Variants in GRID1 observed in about 807,000 individuals in gnomAD.
GRID1 encodes glutamate ionotropic receptor delta type subunit 1.
In GRID1, 28 loss-of-function variants were observed where a neutral mutation model predicts 98.0. The observed-to-expected ratio is 0.29, with a 90% CI of 0.21 to 0.39. GRID1 has a LOEUF of 0.39. Among genes scored for constraint, GRID1 ranks in the 10% least tolerant of loss-of-function variants. The pLI is 1.00. For synonymous variants in GRID1, 553 were observed against 538.5 expected, an observed-to-expected ratio of 1.03 and a Z score of -0.37; for missense variants, 1,111 against 1,340.5, an observed-to-expected ratio of 0.83 and a Z score of 2.67.
Position 85,599,802 on chromosome 10 carries a change from A to AAAAAAATATAT in GRID1, c.*2470_*2471insATATATTTTTT. On this transcript the variant is annotated 3_prime_UTR_variant, in exon 16 of 16. Coordinates refer to ENST00000327946, the MANE Select transcript of GRID1 (RefSeq NM_017551.3). Reference sequence around the variant, plus strand: ...GTAGAAAATTCTAAAAAAAAAAAAAAATATATATATATATATATAAACATG... The same window carrying AAAAAAATATAT: ...GTAGAAAATTCTAAAAAAAAAAAAAAAAAAAATATATATATATATATATATATATAAACATG... 1 of 64,984 alleles carries AAAAAAATATAT rather than the reference A, an allele frequency of 1.5e-5. No homozygotes were observed. Among genetic ancestry groups the AAAAAAATATAT allele is most frequent in the Non-Finnish European group, 2.6e-5 (1 of 38,788 alleles). The allele number at this position is 64,984 out of a possible 1,614,324, so 4.0% of individuals were successfully genotyped here. A position where few individuals can be genotyped will look rare whatever the true frequency, so the allele number is the denominator to read the frequency against.
At chr10:86,315,956 A>G (rs1414488119) in intron 2 of GRID1, among the ~76,000 whole-genome samples, 1 of 151,818 alleles carries the variant, frequency 6.6e-6, no homozygotes, top group Non-Finnish European at 1.5e-5. Flanking sequence ...CCATTTTTCT[A>G]ACTCCTATCT....
intron 5 of GRID1, among the ~76,000 whole-genome samples, chr10:85,881,276 T>C (rs1421124868): frequency 1.3e-5 from 2 of 152,152 alleles, no homozygotes; most frequent in Admixed American, 1.3e-4. Flanking sequence ...AAAACTACTT[T>C]AAAGTTCATA....
At chr10:86,078,961 G>C (rs1843925923) in intron 4 of GRID1, among the ~76,000 whole-genome samples, 5 of 151,804 alleles carry the variant, frequency 3.3e-5, no homozygotes, top group Non-Finnish European at 7.4e-5. Flanking sequence ...CCACCCTTAA[G>C]GGGGCTCAAC....
At chr10:85,946,696 A>G (rs1047578457) in intron 4 of GRID1, among the ~76,000 whole-genome samples, 1 of 152,174 alleles carries the variant, frequency 6.6e-6, no homozygotes, top group African/African-American at 2.4e-5. Flanking sequence ...AAGAATCCCC[A>G]GGTCAGTCTT....
At chr10:85,883,312 C>G (rs1231197886) in intron 5 of GRID1, among the ~76,000 whole-genome samples, 1 of 152,128 alleles carries the variant, frequency 6.6e-6, no homozygotes, top group Admixed American at 6.6e-5. Context: ...ATTCCTTGCT[C>G]ATATTTTCCA....
At chr10:85,645,387 A>G (rs1323802159) in intron 13 of GRID1, among the ~76,000 whole-genome samples, 1 of 152,208 alleles carries the variant, frequency 6.6e-6, no homozygotes, top group Non-Finnish European at 1.5e-5. Context: ...GGGGTGAAAG[A>G]AGATCCTGCA....
chr10:85,884,894 A>G (rs1213136728), intron 5 of GRID1, among the ~76,000 whole-genome samples: 1 of 152,202 alleles, frequency 6.6e-6, no homozygotes, highest in East Asian at 1.9e-4. Context: ...TGTAACAACA[A>G]AAACAAGTAG....
chr10:85,772,088 C>A (rs1402286157), intron 8 of GRID1, among the ~76,000 whole-genome samples: 1 of 152,138 alleles, frequency 6.6e-6, no homozygotes, highest in African/African-American at 2.4e-5. Flanking sequence ...CTCTCCTCAG[C>A]AAATGTAAAA....
intron 8 of GRID1, among the ~76,000 whole-genome samples, chr10:85,737,831 C>T (rs183343271): frequency 2.7e-4 from 41 of 150,758 alleles, no homozygotes; most frequent in African/African-American, 9.7e-4. Context: ...ATTGCAAAAC[C>T]ACCCTTTGAA....
chr10:85,753,811 C>G (rs1449780109), intron 8 of GRID1, among the ~76,000 whole-genome samples: 5 of 152,200 alleles, frequency 3.3e-5, no homozygotes, highest in African/African-American at 1.2e-4. Context: ...CTCATAGCAG[C>G]TCCTCAGAGG....
At chr10:86,118,605 T>A (rs941155702) in intron 4 of GRID1, among the ~76,000 whole-genome samples, 1 of 152,116 alleles carries the variant, frequency 6.6e-6, no homozygotes, top group African/African-American at 2.4e-5. Context: ...ACTCTTTAAG[T>A]GTGGGCTGCA....
intron 12 of GRID1, among the ~76,000 whole-genome samples, chr10:85,668,085 G>T (rs1254344605): frequency 6.6e-6 from 1 of 152,178 alleles, no homozygotes; most frequent in Non-Finnish European, 1.5e-5. Context: ...GAGATAAGGT[G>T]CATTAGCCAT....
intron 5 of GRID1, among the ~76,000 whole-genome samples, chr10:85,871,373 AAAGTCAAAAAATTGT>A (rs1166910033): frequency 6.6e-6 from 1 of 152,198 alleles, no homozygotes; most frequent in Non-Finnish European, 1.5e-5. Context: ...ATGCCATTGT[AAAGTCAAAAAATTGT>A]AAGTCAAACC....
intron 2 of GRID1, among the ~76,000 whole-genome samples, chr10:86,229,752 C>T (rs1218414139): frequency 6.6e-6 from 1 of 152,206 alleles, no homozygotes; most frequent in African/African-American, 2.4e-5. Context: ...CAGCCAAGTC[C>T]ACCTACCCAT....
chr10:86,174,514 C>T (rs1448673589), intron 3 of GRID1, among the ~76,000 whole-genome samples: 1 of 151,798 alleles, frequency 6.6e-6, no homozygotes, highest in African/African-American at 2.4e-5. Context: ...AAGACTTAAA[C>T]ATTAGACCTA....
intron 4 of GRID1, among the ~76,000 whole-genome samples, chr10:85,943,486 A>G (rs1235829105): frequency 6.6e-6 from 1 of 152,244 alleles, no homozygotes; most frequent in African/African-American, 2.4e-5. Flanking sequence ...AGTGAAAAAT[A>G]CCATAAAGCA....
At chr10:85,805,279 A>C (rs938577582) in intron 8 of GRID1, among the ~76,000 whole-genome samples, 4 of 151,896 alleles carry the variant, frequency 2.6e-5, no homozygotes, top group African/African-American at 9.6e-5. Flanking sequence ...CATAAACTAC[A>C]TAATACTAAA....
intron 5 of GRID1, among the ~76,000 whole-genome samples, chr10:85,876,032 G>T (rs193134651): frequency 6.6e-6 from 1 of 152,308 alleles, no homozygotes; most frequent in East Asian, 1.9e-4. Flanking sequence ...ACTCTTGAAA[G>T]ATATAATTCT....
At chr10:86,288,121 G>A (rs1234443479) in intron 2 of GRID1, among the ~76,000 whole-genome samples, 2 of 152,200 alleles carry the variant, frequency 1.3e-5, no homozygotes, top group Non-Finnish European at 2.9e-5. Flanking sequence ...TGGGCACAAA[G>A]TGAGGGCAGA....
Sources: gnomAD v4.1 joint callset for allele counts (sites outside exome capture counted in the v4.1 genomes callset) on GRCh38, gnomAD v4.1.1 for gene constraint, MANE v1.5 for transcripts, NCBI Gene and HGNC (gene_info 2026-07-23, HGNC 2026-07-21) for gene names.